PON3: variants seen among roughly 807,000 people sequenced by gnomAD.
PON3 encodes paraoxonase 3, also known as serum paraoxonase/lactonase 3.
A neutral mutation model predicts 36.3 loss-of-function variants in PON3; 37 were observed. The ratio of observed to expected loss-of-function variants is 1.02; its 90% CI spans 0.78 to 1.34. The LOEUF is 1.34. PON3 is among the 40% of genes most tolerant of loss of function. The pLI, the probability that PON3 is intolerant of heterozygous loss-of-function variation, is 0.00. For missense variants in PON3, 415 were observed against 426.5 expected, an observed-to-expected ratio of 0.97 and a Z score of 0.24; for synonymous variants, 155 against 154.8, an observed-to-expected ratio of 1.00 and a Z score of -0.01.
At chr7:95,389,773 G>A (rs535509863) in intron 3 of PON3, among the ~76,000 whole-genome samples, 4 of 152,204 alleles carry the variant, frequency 2.6e-5, no homozygotes, top group Non-Finnish European at 4.4e-5. Flanking sequence ...CAGACATGGT[G>A]AGAGGAATAC....
chr7:95,389,796 A>G lies in PON3; in HGVS notation c.201+358T>C, dbSNP rs560428504. 1.1e-4 allele frequency among the ~76,000 whole-genome samples: 17 copies of G among 152,368 alleles called. No homozygotes were observed. The South Asian group carries it at 3.5e-3, about 32-fold the overall frequency. On this transcript the variant is annotated intron_variant, in intron 3 of 8. Transcript: ENST00000265627. ...GTGAGAGGAATACCAGTTAGTGGGA[A>G]GATGACTACCAGAAGCGGAAGCCCA...
rs1449001546 is a variant in PON3 at position 95,372,279 on chromosome 7, CAAG to C, written c.258_260del (p.Phe86del). ...TTGGGTTTTGTTCATTCAGATCCAT[CAAG>C]AAGATTTTTCCTGGTTCATCTGGCG... On this transcript the variant is annotated inframe_deletion, in exon 4 of 9. Transcript: ENST00000265627. The C allele has an allele frequency of 1.9e-6, 3 of 1,613,826 alleles. No individual in the cohort carries two copies. The highest frequency in any genetic ancestry group is 1.6e-4 in the Middle Eastern group (1 of 6,082).
intron 3 of PON3, among the ~76,000 whole-genome samples, chr7:95,382,749 T>C (rs1205878748): frequency 1.3e-5 from 2 of 152,152 alleles, no homozygotes; most frequent in African/African-American, 4.8e-5. Flanking sequence ...ATCAGATGGA[T>C]TCACAGCCGA....
chr7:95,395,978 G>C (rs546854267), intron 1 of PON3: 1 of 432,792 alleles, frequency 2.3e-6, no homozygotes, highest in African/African-American at 2.0e-5. Context: ...GGCGAGCTGG[G>C]AAAGGGGTCA....
At chr7:95,383,150 CA>C (rs1192407197) in intron 3 of PON3, among the ~76,000 whole-genome samples, 2 of 152,158 alleles carry the variant, frequency 1.3e-5, no homozygotes, top group Non-Finnish European at 2.9e-5. Flanking sequence ...CAAAATTCAA[CA>C]GCCCTTCATG....
At chr7:95,384,661 C>A (rs553698566) in intron 3 of PON3, among the ~76,000 whole-genome samples, 1 of 152,292 alleles carries the variant, frequency 6.6e-6, no homozygotes, top group East Asian at 1.9e-4. Context: ...TACCATCTCA[C>A]ACCAGTTAGA....
chr7:95,382,940 G>A (rs1809095478), intron 3 of PON3, among the ~76,000 whole-genome samples: 5 of 152,152 alleles, frequency 3.3e-5, no homozygotes, highest in Admixed American at 3.3e-4. Context: ...GAACATTGAT[G>A]TGAAAATCCT....
intron 3 of PON3, among the ~76,000 whole-genome samples, chr7:95,383,697 T>C (rs1809117389): frequency 6.6e-6 from 1 of 151,984 alleles, no homozygotes; most frequent in Non-Finnish European, 1.5e-5. Flanking sequence ...CTCAACAAAA[T>C]AAAAGAGAAC....
At chr7:95,381,101 T>A (rs1809043274) in intron 3 of PON3, among the ~76,000 whole-genome samples, 1 of 152,120 alleles carries the variant, frequency 6.6e-6, no homozygotes, top group Non-Finnish European at 1.5e-5. Flanking sequence ...CCAGCCAAAC[T>A]AAGCTTCACA....
At chr7:95,373,953 T>A (rs969833321) in intron 3 of PON3, among the ~76,000 whole-genome samples, 2 of 152,106 alleles carry the variant, frequency 1.3e-5, no homozygotes, top group Admixed American at 1.3e-4. Context: ...TTCTGTAAGA[T>A]CAGCAGTGGC....
intron 3 of PON3, among the ~76,000 whole-genome samples, chr7:95,380,302 C>A (rs1809017617): frequency 6.6e-6 from 1 of 152,202 alleles, no homozygotes; most frequent in African/African-American, 2.4e-5. Context: ...CACCTCTCCT[C>A]CTCCAAACGA....
intron 1 of PON3, chr7:95,395,733 A>G (rs1809414756): frequency 5.9e-6 from 1 of 169,164 alleles, no homozygotes; most frequent in Non-Finnish European, 1.3e-5. Flanking sequence ...TTCCACTTCA[A>G]AAGGTCAAAT....
rs140894004 is a variant in PON3, at chr7:95,363,941, A to G, written c.617T>C (p.Phe206Ser). 5 of 1,613,810 alleles carry G rather than the reference A, an allele frequency of 3.1e-6. No individual in the cohort carries two copies. The African/African-American group carries it at 6.7e-5, about 22-fold the overall frequency. ...CACTTTAACCTCCCTTGGGCTGTAG[A>G]AAAGAACATAAGTCCAGCGAAGATC... ...ILDLRWTYVL[F>S]YSPREVKVVA... Residue 206 changes from phenylalanine (F) to serine (S), a missense_variant, in exon 6 of 9, where the codon TTC (phenylalanine) becomes TCC (serine). Transcript: ENST00000265627.
At chr7:95,390,495 T>C (rs1174332768) in intron 2 of PON3, among the ~76,000 whole-genome samples, 1 of 152,208 alleles carries the variant, frequency 6.6e-6, no homozygotes, top group African/African-American at 2.4e-5. Flanking sequence ...ATTTACTCTT[T>C]AAGTAACAAT....
intron 1 of PON3, 157 bp downstream of exon 1, chr7:95,396,120 G>T: frequency 2.6e-6 from 2 of 781,280 alleles, no homozygotes; most frequent in Non-Finnish European, 4.6e-6. Flanking sequence ...TTCCCCATAA[G>T]CGAGTCTCAA....
intron 3 of PON3, among the ~76,000 whole-genome samples, chr7:95,388,014 T>G (rs1809236256): frequency 6.6e-6 from 1 of 152,004 alleles, no homozygotes; most frequent in South Asian, 2.1e-4. Context: ...ATGTAAGACC[T>G]AAAACCATAA....
rs529205343 is a variant in PON3 at position 95,369,107 on chromosome 7, C to A, written c.368-1619G>T. Among the ~76,000 whole-genome samples the A allele has an allele frequency of 5.3e-5, 8 of 152,320 alleles. 1 individual carries two copies. In the East Asian group the frequency reaches 1.5e-3, roughly 29 times the overall value. ...GCAGAAGTGAAGTCACACTTCACTG[C>A]ATTCCTCTAAACTTCATTGTATCCA... is the stretch of plus-strand genomic sequence containing the variant. On this transcript the variant is annotated intron_variant, in intron 4 of 8. Coordinates refer to ENST00000265627, the MANE Select transcript of PON3 (RefSeq NM_000940.3).
intron 3 of PON3, 114 bp downstream of exon 3, chr7:95,390,040 C>T (rs771819267): frequency 7.3e-5 from 83 of 1,134,126 alleles, no homozygotes; most frequent in Non-Finnish European, 1.1e-4. Context: ...GACTGGTTTA[C>T]CCGGAGGTGG....
chr7:95,374,754 G>A (rs187786002), intron 3 of PON3, among the ~76,000 whole-genome samples: 3 of 152,006 alleles, frequency 2.0e-5, no homozygotes, highest in Admixed American at 2.0e-4. Flanking sequence ...GCTTCTCTGT[G>A]GCATTTGACA....
Sources: gnomAD v4.1 joint callset for allele counts (sites outside exome capture counted in the v4.1 genomes callset) on GRCh38, gnomAD v4.1.1 for gene constraint, MANE v1.5 for transcripts, NCBI Gene and HGNC (gene_info 2026-07-23, HGNC 2026-07-21) for gene names.